Variants in TECTA observed in about 807,000 individuals in gnomAD.
TECTA encodes the protein tectorin alpha.
In TECTA, 128 loss-of-function variants were observed where a neutral mutation model predicts 216.8. The observed-to-expected ratio is 0.59, with a 90% CI of 0.51 to 0.68. The LOEUF (loss-of-function observed/expected upper bound fraction) is 0.68, where lower values mean the gene tolerates loss of function less well. TECTA is among the 30% of genes least tolerant of loss of function. The pLI is 0.00. For missense variants in TECTA, 2,551 were observed against 2,786.2 expected (o/e 0.92, Z 1.90); for synonymous variants, 1,089 against 1,117.1 (o/e 0.97, Z 0.50).
Position 121,165,429 on chromosome 11 carries a change from G to A in TECTA, c.5383+46G>A, listed in dbSNP as rs1007307823. ...CCCCACCCAGAAAGGCCCCATGGGA[G>A]ATGCTGCTCTGGGGAACGACCTTGA... On this transcript the variant is annotated intron_variant, in intron 17 of 23. Transcript: ENST00000392793. 10 of 1,501,916 alleles carry A rather than the reference G, an allele frequency of 6.7e-6. No individual in the cohort carries two copies. The African/African-American group carries it at 1.4e-4, about 21-fold the overall frequency. The allele number at this position is 1,501,916 out of a possible 1,614,324, so 93.0% of individuals were successfully genotyped here.
chr11:121,140,447 C>T (rs1946773154), intron 11 of TECTA, among the ~76,000 whole-genome samples: 1 of 152,184 alleles, frequency 6.6e-6, no homozygotes, highest in African/African-American at 2.4e-5. Flanking sequence ...AAGTCCCAAG[C>T]CTGGAGAACC....
At chr11:121,169,863 G>T (rs944263551) in intron 20 of TECTA, among the ~76,000 whole-genome samples, 2 of 152,072 alleles carry the variant, frequency 1.3e-5, no homozygotes, top group South Asian at 2.1e-4. Context: ...TTTGTGTGGG[G>T]CATTTCAAAT....
At chr11:121,146,231 A>G (rs918438085) in intron 12 of TECTA, 115 bp downstream of exon 12, 2 of 1,285,976 alleles carry the variant, frequency 1.6e-6, no homozygotes, top group Non-Finnish European at 2.2e-6. Context: ...ATTTAAGGAT[A>G]TGCACTTTGG....
In TECTA at chr11:121,130,049, C is replaced by T; in HGVS notation, c.2779C>T (p.His927Tyr). The T allele has an allele frequency of 6.2e-7, 1 of 1,614,066 alleles. No homozygotes were observed. Among genetic ancestry groups the T allele is most frequent in the Non-Finnish European group, 8.5e-7 (1 of 1,179,962 alleles). Residue 927 changes from histidine (H) to tyrosine (Y), a missense_variant, in exon 10 of 24, where the codon CAT becomes TAT. His to Tyr is a moderately conservative substitution (Grantham distance 83). Around this residue, in one of 3 missense-constraint regions of TECTA, gnomAD observed 2,375 missense variants for 2,563.9 expected, o/e 0.93. Transcript: ENST00000392793. ...DPSNSSFLEC[H>Y]GVVNVTAYYR... ...CTCCAACAGCTCCTTCCTGGAGTGCCATGGGGTGGTGAACGTCACTGCCTA... is the reference window on the plus strand; with the variant it reads ...CTCCAACAGCTCCTTCCTGGAGTGCTATGGGGTGGTGAACGTCACTGCCTA...
intron 21 of TECTA, among the ~76,000 whole-genome samples, chr11:121,188,473 A>G (rs1227298566): frequency 6.6e-6 from 1 of 152,156 alleles, no homozygotes; most frequent in Non-Finnish European, 1.5e-5. Context: ...CCACTCCACT[A>G]TAGAACCAAA....
chr11:121,136,046 C>T (rs1946723166), intron 10 of TECTA, among the ~76,000 whole-genome samples: 1 of 152,010 alleles, frequency 6.6e-6, no homozygotes. Context: ...GCAACTGCCA[C>T]CTCCCAGGTT....
intron 20 of TECTA, among the ~76,000 whole-genome samples, chr11:121,182,193 GC>G (rs1223472898): frequency 3.9e-5 from 6 of 152,174 alleles, no homozygotes; most frequent in African/African-American, 1.2e-4. Context: ...GTCTGGGTGG[GC>G]CAATCCTTGG....
chr11:121,129,614 G>A (rs1299496031), intron 9 of TECTA, 24 bp from the exon 10 acceptor site: 1 of 1,612,288 alleles, frequency 6.2e-7, no homozygotes. Flanking sequence ...CTCTGGAATT[G>A]ATAAGAATGA....
At chr11:121,133,896 A>G (rs1448532386) in intron 10 of TECTA, among the ~76,000 whole-genome samples, 2 of 152,186 alleles carry the variant, frequency 1.3e-5, no homozygotes, top group African/African-American at 2.4e-5. Flanking sequence ...ATACTTTAAG[A>G]GTGTGCAAAT....
rs1206572277 is a variant in TECTA at position 121,127,764 on chromosome 11, A to C, written c.1787A>C (p.Gln596Pro). Residue 596 changes from glutamine to proline, a missense_variant, in exon 9 of 24, where the codon CAG becomes CCG. By Grantham distance (76) the Gln-to-Pro change is moderately conservative (BLOSUM62 -1). Coordinates refer to ENST00000392793, the MANE Select transcript of TECTA (RefSeq NM_005422.4). This position sits in a 1 kb window ranked among gnomAD's most constrained non-coding sequence, Gnocchi z 5.0. ...TTCCCCGCGTCAGTGTCCACAGTGCAGTGCCCGAGCTTCAGCCACTACTCC... is the reference window on the plus strand; with the variant it reads ...TTCCCCGCGTCAGTGTCCACAGTGCCGTGCCCGAGCTTCAGCCACTACTCC... ...RTQTGCVSTV[Q>P]CPSFSHYSVC... 4 of 1,614,106 alleles carry C rather than the reference A, an allele frequency of 2.5e-6. No individual in the cohort carries two copies. Among genetic ancestry groups the C allele is most frequent in the Non-Finnish European group, 3.4e-6 (4 of 1,180,012 alleles).
intron 7 of TECTA, among the ~76,000 whole-genome samples, chr11:121,120,946 T>C (rs1946552206): frequency 6.6e-6 from 1 of 152,176 alleles, no homozygotes. Flanking sequence ...TCGTTTTCTT[T>C]GTGAGACAGG....
At chr11:121,172,419 A>G (rs1947121758) in intron 20 of TECTA, among the ~76,000 whole-genome samples, 1 of 151,748 alleles carries the variant, frequency 6.6e-6, no homozygotes, top group East Asian at 1.9e-4. Context: ...GTTCCCACCT[A>G]TGAGTGAGAA....
intron 1 of TECTA, among the ~76,000 whole-genome samples, chr11:121,102,189 AAC>A (rs1331366458): frequency 6.6e-6 from 1 of 152,180 alleles, no homozygotes; most frequent in Non-Finnish European, 1.5e-5. Context: ...CTAGCTGTAG[AAC>A]ACATTGTGTT....
chr11:121,171,588 A>G (rs1236898691), intron 20 of TECTA, among the ~76,000 whole-genome samples: 2 of 151,950 alleles, frequency 1.3e-5, no homozygotes, highest in Non-Finnish European at 2.9e-5. Flanking sequence ...GTCCTCTTCA[A>G]TTTCTTCCAT....
chr11:121,168,253 C>A, intron 19 of TECTA, 36 bp downstream of exon 19: 1 of 1,613,650 alleles, frequency 6.2e-7, no homozygotes, highest in Non-Finnish European at 8.5e-7. Context: ...ATTGCTTTTT[C>A]TATTCCTTGA....
At position 121,119,000 on chromosome 11, in the gene TECTA, C is replaced by CACACACACAAACACACAT. The variant is rs1238033295; in HGVS notation, c.1203+291_1203+292insAACACACATACACACACA. 6.9e-3 allele frequency among the ~76,000 whole-genome samples: 750 copies of CACACACACAAACACACAT among 109,254 alleles called. 14 individuals are homozygous for CACACACACAAACACACAT. Among genetic ancestry groups the CACACACACAAACACACAT allele is most frequent in the African/African-American group, 0.036 (710 of 19,892 alleles). 71.7% of individuals were successfully genotyped at this position (109,254 alleles called of 152,430 possible). ...CCTCATAAACACTGATAGGCACACACACACACACACACACACACACACACA... is the reference window on the plus strand; with the variant it reads ...CCTCATAAACACTGATAGGCACACACACACACACAAACACACATACACACACACACACACACACACACA... On this transcript the variant is annotated intron_variant, in intron 7 of 23. Transcript: ENST00000392793.
intron 7 of TECTA, among the ~76,000 whole-genome samples, chr11:121,121,555 T>G: frequency 1.3e-5 from 2 of 149,906 alleles, no homozygotes; most frequent in African/African-American, 2.5e-5. Context: ...ATAGGGAGAG[T>G]GAAAGGGGGT....
rs756784298 is a variant in TECTA, at chr11:121,162,062, T to A, written c.4977-13T>A. 2 of 1,613,692 alleles carry A rather than the reference T, an allele frequency of 1.2e-6. No homozygotes were observed. Among genetic ancestry groups the A allele is most frequent in the Non-Finnish European group, 1.7e-6 (2 of 1,180,038 alleles). ...TCTCAGATGGCTGTTTTTGCTTCAC[T>A]CAGTCTGACCAGACCTCTTGCCCCC... On this transcript the variant is annotated splice_polypyrimidine_tract_variant and intron_variant, in intron 15 of 23. Transcript: ENST00000392793.
At chr11:121,101,986 C>T (rs1946350701) in intron 1 of TECTA, among the ~76,000 whole-genome samples, 1 of 152,200 alleles carries the variant, frequency 6.6e-6, no homozygotes, top group African/African-American at 2.4e-5. Flanking sequence ...TAATTGGTTG[C>T]TTGTGCGCTG....
Sources: gnomAD v4.1 joint callset for allele counts (sites outside exome capture counted in the v4.1 genomes callset) on GRCh38, gnomAD v4.1.1 for gene constraint, gnomAD v4.1.1 regional missense constraint, Gnocchi (gnomAD v3.1) non-coding constraint, MANE v1.5 for transcripts, NCBI Gene and HGNC (gene_info 2026-07-23, HGNC 2026-07-21) for gene names.